Variants in LTBP1 observed in about 807,000 individuals in gnomAD.
The protein encoded by LTBP1 is latent-transforming growth factor beta-binding protein 1.
A neutral mutation model predicts 207.6 loss-of-function variants in LTBP1; 129 were observed. The observed-to-expected ratio is 0.62, with a 90% CI of 0.54 to 0.72. The LOEUF (loss-of-function observed/expected upper bound fraction) is 0.72, where lower values mean the gene tolerates loss of function less well. Among genes scored for constraint, LTBP1 ranks in the 30% least tolerant of loss-of-function variants. LTBP1 has a pLI of 0.00. For missense variants in LTBP1, 2,281 were observed against 2,217.2 expected (o/e 1.03, Z -0.58); for synonymous variants, 963 against 833.7 (o/e 1.16, Z -2.67).
chr2:33,151,709 C>T (rs544666925), intron 5 of LTBP1, among the ~76,000 whole-genome samples: 13 of 152,164 alleles, frequency 8.5e-5, no homozygotes, highest in East Asian at 3.9e-4. Context: ...TGAAAACATA[C>T]GATGTTTGGT....
At chr2:33,308,036 C>T (rs904615468) in intron 22 of LTBP1, among the ~76,000 whole-genome samples, 10 of 152,316 alleles carry the variant, frequency 6.6e-5, no homozygotes, top group African/African-American at 2.4e-4. Context: ...ATTTTGGCAG[C>T]AATTACAATT....
intron 3 of LTBP1, among the ~76,000 whole-genome samples, chr2:33,084,913 C>G (rs1292284640): frequency 2.6e-5 from 4 of 152,110 alleles, no homozygotes; most frequent in Non-Finnish European, 5.9e-5. Context: ...GAATGATAAC[C>G]CTCATCCCCC....
intron 24 of LTBP1, among the ~76,000 whole-genome samples, chr2:33,327,219 T>C (rs1442945063): frequency 4.6e-5 from 7 of 152,214 alleles, no homozygotes; most frequent in Non-Finnish European, 8.8e-5. Flanking sequence ...ATGAATGCTT[T>C]ACAGTAAACT....
rs1265710403 is a variant in LTBP1 at position 33,382,383 on chromosome 2, C to T, written c.4712-6801C>T. 2.6e-5 allele frequency among the ~76,000 whole-genome samples: 4 copies of T among 152,120 alleles called. No homozygotes were observed. The South Asian group carries it at 6.2e-4, about 24-fold the overall frequency. On this transcript the variant is annotated intron_variant, in intron 31 of 33. Transcript: ENST00000404816. ...GTGCTGGGATTATAGGCGTGAGCCA[C>T]GGTGCCCAGTCTAGCTTCCCTAATG...
intron 3 of LTBP1, among the ~76,000 whole-genome samples, chr2:33,080,774 A>G (rs565098910): frequency 2.0e-5 from 3 of 152,214 alleles, no homozygotes; most frequent in Non-Finnish European, 2.9e-5. Flanking sequence ...AATCTTGCAC[A>G]TACATACACT....
chr2:33,327,004 A>G (rs2094436464), intron 24 of LTBP1, among the ~76,000 whole-genome samples: 1 of 152,218 alleles, frequency 6.6e-6, no homozygotes, highest in African/African-American at 2.4e-5. Context: ...CAAAAAAATC[A>G]AGATGTTTAA....
At chr2:33,381,810 A>G (rs891118710) in intron 31 of LTBP1, among the ~76,000 whole-genome samples, 1 of 152,134 alleles carries the variant, frequency 6.6e-6, no homozygotes, top group Non-Finnish European at 1.5e-5. Context: ...TAGAAAGAAC[A>G]TGGTTTGGCA....
At chr2:33,113,742 G>C (rs1224765641) in intron 4 of LTBP1, among the ~76,000 whole-genome samples, 2 of 152,090 alleles carry the variant, frequency 1.3e-5, no homozygotes, top group African/African-American at 4.8e-5. Context: ...GTTCATCCGT[G>C]TTGTAGCATG....
rs183008389 is a variant in LTBP1, at chr2:33,212,937, C to T, written c.1702-4615C>T. 2.6e-5 allele frequency among the ~76,000 whole-genome samples: 4 copies of T among 152,328 alleles called. No individual in the cohort carries two copies. In the East Asian group the frequency reaches 7.7e-4, roughly 29 times the overall value. ...ACTTCTAGTCCCAAGCGTTTTAGAT[C>T]AGAGATCCTCAACCTGGACCTTCAT... is the stretch of plus-strand genomic sequence containing the variant. On this transcript the variant is annotated intron_variant, in intron 7 of 33. Coordinates refer to ENST00000404816, the MANE Select transcript of LTBP1 (RefSeq NM_206943.4).
At chr2:33,186,111 A>AAGAT (rs1558775741) in intron 5 of LTBP1, among the ~76,000 whole-genome samples, 5 of 152,210 alleles carry the variant, frequency 3.3e-5, no homozygotes, top group African/African-American at 1.2e-4. Flanking sequence ...ATCTTGTTAC[A>AAGAT]CAAGATTGCA....
At chr2:33,280,206 C>T (rs753062747) in intron 19 of LTBP1, 48 bp downstream of exon 19, 1 of 1,563,442 alleles carries the variant, frequency 6.4e-7, no homozygotes, top group Non-Finnish European at 8.7e-7. Context: ...TCTGCATGGC[C>T]CATTTTCTGA....
intron 9 of LTBP1, among the ~76,000 whole-genome samples, chr2:33,236,888 T>A (rs1297981453): frequency 2.0e-5 from 3 of 152,232 alleles, no homozygotes; most frequent in Admixed American, 2.0e-4. Context: ...TGGGCTCTGA[T>A]AATTCCTTTA....
At chr2:33,085,961 A>C (rs2078730478) in intron 3 of LTBP1, among the ~76,000 whole-genome samples, 1 of 152,200 alleles carries the variant, frequency 6.6e-6, no homozygotes, top group Non-Finnish European at 1.5e-5. Context: ...AGTCTGGTGA[A>C]ATAGCACCAT....
chr2:33,214,337 C>T (rs752522285), intron 7 of LTBP1, among the ~76,000 whole-genome samples: 2 of 152,182 alleles, frequency 1.3e-5, no homozygotes, highest in African/African-American at 4.8e-5. Flanking sequence ...TGATTAAGCT[C>T]AAGGAGTATG....
rs765151259 is a variant in LTBP1 at position 33,361,482 on chromosome 2, T to C, written c.4237T>C (p.Ser1413Pro). Reference protein sequence around the residue: ...KGKGFVPAGESSSEAGGENYK... With the variant: ...KGKGFVPAGEPSSEAGGENYK... ...GAAAGGTTTTGTGCCTGCTGGAGAA[T>C]CATCTTCTGAAGCTGGTGGTGAGAA... Residue 1413 changes from serine to proline, a missense_variant, in exon 28 of 34, where the codon TCA becomes CCA. Coordinates refer to ENST00000404816, the MANE Select transcript of LTBP1 (RefSeq NM_206943.4). 1.4e-5 allele frequency: 23 copies of C among 1,612,578 alleles called. No individual in the cohort carries two copies. Among genetic ancestry groups the C allele is most frequent in the Admixed American group, 3.3e-5 (2 of 59,868 alleles).
intron 2 of LTBP1, among the ~76,000 whole-genome samples, chr2:32,995,684 G>C (rs980088745): frequency 5.9e-5 from 9 of 152,184 alleles, no homozygotes; most frequent in Non-Finnish European, 1.3e-4. Context: ...AGCTACTCAG[G>C]AGGCTGAGGT....
chr2:33,173,647 T>C (rs2148491740), intron 5 of LTBP1, among the ~76,000 whole-genome samples: 1 of 151,704 alleles, frequency 6.6e-6, no homozygotes, highest in Admixed American at 6.6e-5. Context: ...CCTCCCTAAC[T>C]CATTTTATGA....
At chr2:33,312,849 T>C (rs1398380368) in intron 23 of LTBP1, among the ~76,000 whole-genome samples, 10 of 152,108 alleles carry the variant, frequency 6.6e-5, no homozygotes, top group Non-Finnish European at 2.9e-5. Context: ...AGGCATAGGA[T>C]AAAATAAGAA....
At chr2:33,046,606 T>G (rs1268681451) in intron 3 of LTBP1, among the ~76,000 whole-genome samples, 3 of 152,214 alleles carry the variant, frequency 2.0e-5, no homozygotes, top group Non-Finnish European at 2.9e-5. Context: ...GGTTTTGGTA[T>G]CAGGATGATG....
Sources: gnomAD v4.1 joint callset for allele counts (sites outside exome capture counted in the v4.1 genomes callset) on GRCh38, gnomAD v4.1.1 for gene constraint, MANE v1.5 for transcripts, NCBI Gene and HGNC (gene_info 2026-07-23, HGNC 2026-07-21) for gene names.